The following TUSC3 variants were observed in gnomAD, a reference collection of about 807,000 sequenced individuals.
TUSC3 encodes dolichyl-diphosphooligosaccharide--protein glycosyltransferase subunit TUSC3.
TUSC3 carries 45 observed loss-of-function variants against 44.8 expected under a neutral mutation model. The ratio of observed to expected loss-of-function variants is 1.00; its 90% CI spans 0.79 to 1.29. The LOEUF (loss-of-function observed/expected upper bound fraction) is 1.29, where lower values mean the gene tolerates loss of function less well. TUSC3 is among the 50% of genes most tolerant of loss of function. The pLI, the probability that TUSC3 is intolerant of heterozygous loss-of-function variation, is 0.00. For synonymous variants in TUSC3, 212 were observed against 152.9 expected, an observed-to-expected ratio of 1.39 and a Z score of -2.85; for missense variants, 519 against 437.9, an observed-to-expected ratio of 1.19 and a Z score of -1.65.
chr8:15,438,096 T>C (rs1482091863), intron 1 of TUSC3, among the ~76,000 whole-genome samples: 6 of 152,126 alleles, frequency 3.9e-5, no homozygotes, highest in Admixed American at 1.3e-4. Context: ...TGTCGATGTG[T>C]GTTTTGTTGG....
the TUSC3 span, among the ~76,000 whole-genome samples, chr8:15,792,364 T>A: frequency 6.6e-6 from 1 of 152,178 alleles, no homozygotes; most frequent in Non-Finnish European, 1.5e-5. Context: ...CTGATGTTAC[T>A]GAGTGGCCAC....
intron 1 of TUSC3, among the ~76,000 whole-genome samples, chr8:15,436,964 C>T (rs1423404347): frequency 2.6e-5 from 4 of 152,018 alleles, no homozygotes; most frequent in African/African-American, 4.8e-5. Flanking sequence ...GAATTTATAG[C>T]GATTCTCACA....
At chr8:15,749,711 G>A (rs569620198) in intron 9 of TUSC3, among the ~76,000 whole-genome samples, 2 of 148,400 alleles carry the variant, frequency 1.3e-5, no homozygotes, top group Non-Finnish European at 3.0e-5. Context: ...CCAAGATTAA[G>A]TAATATCCAA....
chr8:15,733,359 T>C (rs1810801177), intron 7 of TUSC3: 1 of 405,026 alleles, frequency 2.5e-6, no homozygotes, highest in African/African-American at 2.1e-5. Flanking sequence ...TTGTTTTTTT[T>C]TTTTTCCTAA....
intron 2 of TUSC3, among the ~76,000 whole-genome samples, chr8:15,496,458 C>T (rs1800881504): frequency 6.6e-6 from 1 of 152,196 alleles, no homozygotes; most frequent in Non-Finnish European, 1.5e-5. Context: ...CTTATCCAAC[C>T]TTAAATATTG....
chr8:15,562,516 T>C (rs60383904), intron 1 of TUSC3, among the ~76,000 whole-genome samples: 3,600 of 152,236 alleles, frequency 0.024, 160 homozygotes, highest in African/African-American at 0.081. Context: ...TCTCCTAGTT[T>C]CTAGATGTCA....
chr8:15,764,840 G>A lies in TUSC3; in HGVS notation c.*684G>A, dbSNP rs1812284296. The A allele has an allele frequency of 6.6e-6, 1 of 152,062 alleles. No homozygotes were observed. The highest frequency in any genetic ancestry group is 2.4e-5 in the African/African-American group (1 of 41,408). 9.4% of individuals were successfully genotyped at this position (152,062 alleles called of 1,614,324 possible). A position where few individuals can be genotyped will look rare whatever the true frequency, so the allele number is the denominator to read the frequency against. On this transcript the variant is annotated 3_prime_UTR_variant, in exon 11 of 11. Transcript: ENST00000503731. ...GCTTCAAAGGCATCAGACGATGAAAGCAACATACCACAACTAGGAGTTATT... is the reference window on the plus strand; with the variant it reads ...GCTTCAAAGGCATCAGACGATGAAAACAACATACCACAACTAGGAGTTATT...
At chr8:15,781,836 T>C in the TUSC3 span, among the ~76,000 whole-genome samples, 1 of 151,990 alleles carries the variant, frequency 6.6e-6, no homozygotes, top group Non-Finnish European at 1.5e-5. Context: ...AAAGCTACTA[T>C]AAGAAAAGAA....
At chr8:15,812,198 A>C in the TUSC3 span, among the ~76,000 whole-genome samples, 1 of 152,226 alleles carries the variant, frequency 6.6e-6, no homozygotes, top group Non-Finnish European at 1.5e-5. Context: ...TCCTATAAAC[A>C]AATAAGTACT....
At chr8:15,665,223 T>C (rs1363638735) in intron 5 of TUSC3, among the ~76,000 whole-genome samples, 1 of 151,464 alleles carries the variant, frequency 6.6e-6, no homozygotes, top group Non-Finnish European at 1.5e-5. Context: ...AAAACAGTAA[T>C]GAACCTTGTA....
intron 3 of TUSC3, among the ~76,000 whole-genome samples, chr8:15,652,859 A>G (rs1806976265): frequency 6.6e-6 from 1 of 152,210 alleles, no homozygotes; most frequent in African/African-American, 2.4e-5. Flanking sequence ...TGTGGACTAA[A>G]TGAAGACAGG....
chr8:15,708,968 A>G (rs1001140022), intron 6 of TUSC3, among the ~76,000 whole-genome samples: 4 of 151,940 alleles, frequency 2.6e-5, no homozygotes, highest in Non-Finnish European at 5.9e-5. Context: ...ATCTAAATTG[A>G]CAAAGTAGTA....
chr8:15,587,875 A>C (rs573467838), intron 1 of TUSC3, among the ~76,000 whole-genome samples: 1 of 152,130 alleles, frequency 6.6e-6, no homozygotes, highest in Non-Finnish European at 1.5e-5. Flanking sequence ...GGGCTCATCC[A>C]TATTGCTTCT....
At chr8:15,423,942 C>T (rs1799769966) in intron 1 of TUSC3, among the ~76,000 whole-genome samples, 1 of 119,924 alleles carries the variant, frequency 8.3e-6, no homozygotes, top group African/African-American at 3.0e-5. Flanking sequence ...CGTTTTTTCT[C>T]TTACAGCATT....
chr8:15,420,937 G>A (rs551070192), intron 1 of TUSC3, among the ~76,000 whole-genome samples: 7 of 152,006 alleles, frequency 4.6e-5, no homozygotes, highest in Non-Finnish European at 7.4e-5. Flanking sequence ...ACAATTCCTT[G>A]GTGATTTAAT....
chr8:15,685,796 T>C (rs1232128104), intron 6 of TUSC3, among the ~76,000 whole-genome samples: 1 of 152,120 alleles, frequency 6.6e-6, no homozygotes, highest in Admixed American at 6.5e-5. Flanking sequence ...ATTGAGCAAA[T>C]TGGGCCTGAC....
intron 1 of TUSC3, among the ~76,000 whole-genome samples, chr8:15,585,251 G>A (rs1803547789): frequency 6.6e-6 from 1 of 152,148 alleles, no homozygotes; most frequent in South Asian, 2.1e-4. Context: ...CATGGCATTT[G>A]AAGTCCTTGG....
At chr8:15,591,785 T>A (rs377295671) in intron 1 of TUSC3, among the ~76,000 whole-genome samples, 2 of 152,126 alleles carry the variant, frequency 1.3e-5, no homozygotes, top group African/African-American at 4.8e-5. Context: ...ATAATAAGAT[T>A]GGAGTGGTAG....
the TUSC3 span, among the ~76,000 whole-genome samples, chr8:15,801,214 C>T: frequency 6.6e-6 from 1 of 152,192 alleles, no homozygotes; most frequent in African/African-American, 2.4e-5. Flanking sequence ...GCACGCCTCT[C>T]CTTTTTAGAC....
Sources: allele counts gnomAD v4.1 joint callset (sites outside exome capture counted in the v4.1 genomes callset), GRCh38; gene constraint gnomAD v4.1.1; transcripts MANE v1.5; gene names NCBI Gene and HGNC (gene_info 2026-07-23, HGNC 2026-07-21).